The following DNAH7 variants were observed in gnomAD, a reference collection of about 807,000 sequenced individuals.
DNAH7 encodes the protein dynein axonemal heavy chain 7, also known as axonemal beta dynein heavy chain 7.
DNAH7 carries 397 observed loss-of-function variants against 444.6 expected under a neutral mutation model. That is an observed-to-expected ratio of 0.89 (90% CI 0.82 to 0.97). DNAH7 has a LOEUF of 0.97. Among genes scored for constraint, DNAH7 ranks in the 50% least tolerant of loss-of-function variants. The probability of loss-of-function intolerance (pLI) is 0.00; values close to 1 mark genes in which losing one functional copy is unlikely to be tolerated. For missense variants in DNAH7, 4,902 were observed against 4,800.8 expected, an observed-to-expected ratio of 1.02 and a Z score of -0.62; for synonymous variants, 1,636 against 1,624.4, an observed-to-expected ratio of 1.01 and a Z score of -0.17.
chr2:195,969,693 C>T (rs963901508), intron 17 of DNAH7, among the ~76,000 whole-genome samples: 1 of 152,002 alleles, frequency 6.6e-6, no homozygotes, highest in African/African-American at 2.4e-5. Context: ...TGATGCAAAG[C>T]AAAGTTTAAA....
chr2:195,827,778 C>T (rs963509926), intron 48 of DNAH7, among the ~76,000 whole-genome samples: 1 of 151,656 alleles, frequency 6.6e-6, no homozygotes, highest in African/African-American at 2.4e-5. Context: ...GGTCTTGCTA[C>T]ATTGCCCAGA....
At chr2:196,029,859 TTA>T (rs1695932633) in intron 5 of DNAH7, among the ~76,000 whole-genome samples, 4 of 147,284 alleles carry the variant, frequency 2.7e-5, no homozygotes, top group African/African-American at 1.1e-4. Flanking sequence ...AGAACTATAT[TTA>T]TTTTTTTTTC....
chr2:195,924,323 C>T (rs12621803), intron 22 of DNAH7, among the ~76,000 whole-genome samples: 1,691 of 152,168 alleles, frequency 0.011, 34 homozygotes, highest in East Asian at 0.067. Context: ...CAGGGCTGGG[C>T]GTGGAGGCCT....
intron 1 of DNAH7, among the ~76,000 whole-genome samples, chr2:196,067,588 C>T (rs1427470275): frequency 6.6e-6 from 1 of 151,962 alleles, no homozygotes; most frequent in Non-Finnish European, 1.5e-5. Context: ...AGGTTCAAAC[C>T]AAATTTTCTT....
At chr2:195,950,529 C>G (rs900893369) in intron 19 of DNAH7, among the ~76,000 whole-genome samples, 2 of 150,014 alleles carry the variant, frequency 1.3e-5, no homozygotes, top group African/African-American at 5.1e-5. Context: ...GGCTAGCAGT[C>G]TATCTATTTT....
At chr2:195,972,538 C>A in intron 15 of DNAH7, 72 bp from the exon 16 acceptor site, 1 of 1,118,258 alleles carries the variant, frequency 8.9e-7, no homozygotes, top group Non-Finnish European at 1.4e-6. Context: ...TGCGGAAATA[C>A]ACTGTATAAC....
intron 51 of DNAH7, among the ~76,000 whole-genome samples, chr2:195,812,032 G>A (rs1696995331): frequency 6.6e-6 from 1 of 152,070 alleles, no homozygotes; most frequent in Admixed American, 6.5e-5. Flanking sequence ...TTGACCTTTT[G>A]GGCTATCTTT....
intron 3 of DNAH7, 99 bp downstream of exon 3, chr2:196,051,088 A>C: frequency 3.8e-6 from 4 of 1,050,304 alleles, no homozygotes; most frequent in Non-Finnish European, 5.9e-6. Context: ...GAAAAGAATC[A>C]AATGGAGCAG....
At chr2:195,776,985 T>C in intron 59 of DNAH7, among the ~76,000 whole-genome samples, 1 of 152,190 alleles carries the variant, frequency 6.6e-6, no homozygotes, top group East Asian at 1.9e-4. Flanking sequence ...GCTCCCATGT[T>C]GACTTGCTGT....
At chr2:195,863,380 A>G (rs1296794232) in intron 41 of DNAH7, among the ~76,000 whole-genome samples, 3 of 152,232 alleles carry the variant, frequency 2.0e-5, no homozygotes, top group Non-Finnish European at 4.4e-5. Flanking sequence ...GCATTGTGAT[A>G]TGCTGTTAAA....
intron 57 of DNAH7, among the ~76,000 whole-genome samples, chr2:195,790,475 A>G (rs1559098345): frequency 2.0e-5 from 3 of 151,930 alleles, no homozygotes; most frequent in South Asian, 4.2e-4. Context: ...TAAAAAAAAA[A>G]AAAAAAGAAA....
At chr2:195,880,459 G>A (rs1452521635) in intron 36 of DNAH7, among the ~76,000 whole-genome samples, 1 of 151,792 alleles carries the variant, frequency 6.6e-6, no homozygotes, top group Admixed American at 6.6e-5. Context: ...CACCTGAGTA[G>A]CTGGGACTAC....
intron 10 of DNAH7, among the ~76,000 whole-genome samples, chr2:196,010,006 G>C (rs1489841335): frequency 6.6e-6 from 1 of 152,142 alleles, no homozygotes; most frequent in Non-Finnish European, 1.5e-5. Flanking sequence ...AGCACACTGA[G>C]ATATTATCTC....
rs777841902 is a variant in DNAH7 at position 196,024,398 on chromosome 2, T to A, written c.743+31A>T. The A allele has an allele frequency of 2.0e-6, 3 of 1,463,904 alleles. No homozygotes were observed. In the East Asian group the frequency reaches 7.2e-5, roughly 35 times the overall value. The allele number at this position is 1,463,904 out of a possible 1,614,324, so 90.7% of individuals were successfully genotyped here. ...AACATATACAGAAATGGTCACATAA[T>A]CAACATTCTTAGAGAAATCTGATCA... On this transcript the variant is annotated intron_variant, in intron 8 of 64. Transcript: ENST00000312428.
chr2:195,961,621 T>C (rs1378204648), intron 17 of DNAH7, among the ~76,000 whole-genome samples: 1 of 152,196 alleles, frequency 6.6e-6, no homozygotes, highest in African/African-American at 2.4e-5. Context: ...CTATTTCTTT[T>C]TTATTACAGT....
intron 16 of DNAH7, among the ~76,000 whole-genome samples, chr2:195,971,449 A>T (rs540527724): frequency 1.3e-5 from 2 of 152,210 alleles, no homozygotes; most frequent in African/African-American, 4.8e-5. Flanking sequence ...ACTTACAAAC[A>T]CTAACATAAT....
At chr2:195,933,268 T>C (rs1642802086) in intron 21 of DNAH7, among the ~76,000 whole-genome samples, 1 of 152,102 alleles carries the variant, frequency 6.6e-6, no homozygotes, top group African/African-American at 2.4e-5. Flanking sequence ...CTGGAGAGGA[T>C]GTGGAGAAAT....
At chr2:195,836,064 T>C (rs1698357052) in intron 47 of DNAH7, among the ~76,000 whole-genome samples, 1 of 152,120 alleles carries the variant, frequency 6.6e-6, no homozygotes, top group Non-Finnish European at 1.5e-5. Flanking sequence ...AGAGCCTCTC[T>C]CCTTGACTTG....
At chr2:195,927,784 G>A (rs1228667479) in intron 21 of DNAH7, among the ~76,000 whole-genome samples, 1 of 151,682 alleles carries the variant, frequency 6.6e-6, no homozygotes, top group African/African-American at 2.4e-5. Flanking sequence ...ATATGTAGTA[G>A]CCTTTCAAGC....
Sources: gnomAD v4.1 joint callset for allele counts (sites outside exome capture counted in the v4.1 genomes callset) on GRCh38, gnomAD v4.1.1 for gene constraint, MANE v1.5 for transcripts, NCBI Gene and HGNC (gene_info 2026-07-23, HGNC 2026-07-21) for gene names.